DCLK1: variants seen among roughly 807,000 people sequenced by gnomAD.
DCLK1 encodes the protein doublecortin like kinase 1, also known as serine/threonine-protein kinase DCLK1.
DCLK1 carries 16 observed loss-of-function variants against 86.2 expected under a neutral mutation model. The ratio of observed to expected loss-of-function variants is 0.19; its 90% CI spans 0.13 to 0.28. The LOEUF is 0.28. Ranked by LOEUF, DCLK1 falls within the 10% of genes least tolerant of loss-of-function variation. The probability of loss-of-function intolerance (pLI) is 1.00; values close to 1 mark genes in which losing one functional copy is unlikely to be tolerated. For synonymous variants in DCLK1, 369 were observed against 370.5 expected (o/e 1.00, Z 0.05); for missense variants, 590 against 940.2 (o/e 0.63, Z 4.87).
chr13:36,003,377 A>G (rs1393079041), intron 3 of DCLK1, among the ~76,000 whole-genome samples: 2 of 152,178 alleles, frequency 1.3e-5, no homozygotes, highest in Non-Finnish European at 2.9e-5. Context: ...TTGGAGAAAC[A>G]TGTGTCTTAT....
intron 3 of DCLK1, among the ~76,000 whole-genome samples, chr13:35,993,863 A>T (rs1385809400): frequency 6.6e-6 from 1 of 151,654 alleles, no homozygotes; most frequent in Non-Finnish European, 1.5e-5. Flanking sequence ...AGCTAGGATA[A>T]GTATCAGCCT....
At chr13:35,891,499 T>C (rs1396419351) in intron 4 of DCLK1, among the ~76,000 whole-genome samples, 3 of 152,182 alleles carry the variant, frequency 2.0e-5, no homozygotes, top group African/African-American at 7.2e-5. Context: ...CTAATGGATA[T>C]GGAGTTTATT....
At chr13:35,957,412 GT>G (rs896348122) in intron 3 of DCLK1, among the ~76,000 whole-genome samples, 13 of 152,128 alleles carry the variant, frequency 8.5e-5, no homozygotes, top group South Asian at 2.1e-4. Context: ...CCCTCTTGAT[GT>G]TTTTTAGAAG....
At chr13:36,131,391 C>G (rs2138234280), upstream of DCLK1, 1 of 196,184 alleles carries the variant, frequency 5.1e-6, no homozygotes. Flanking sequence ...GCGGCGGCGG[C>G]GGCGGGCGCG....
chr13:35,919,235 A>T (rs924821322), intron 4 of DCLK1, among the ~76,000 whole-genome samples: 2 of 152,108 alleles, frequency 1.3e-5, no homozygotes, highest in Admixed American at 1.3e-4. Context: ...TAAGTTTTTT[A>T]AAAGTGCATT....
intron 3 of DCLK1, among the ~76,000 whole-genome samples, chr13:36,045,330 G>GTATATATATATATA (rs1316034070): frequency 1.8e-5 from 1 of 56,622 alleles, no homozygotes; most frequent in African/African-American, 7.1e-5. Context: ...GTGTGTGTGT[G>GTATATATATATATA]TGTATATATA....
At chr13:36,023,999 G>T (rs1230125009) in intron 3 of DCLK1, among the ~76,000 whole-genome samples, 1 of 150,470 alleles carries the variant, frequency 6.6e-6, no homozygotes, top group Non-Finnish European at 1.5e-5. Context: ...GGTTTCAAGT[G>T]GTTCTCCTGC....
At chr13:35,804,693 A>G (rs1272657207) in intron 15 of DCLK1, among the ~76,000 whole-genome samples, 2 of 152,074 alleles carry the variant, frequency 1.3e-5, no homozygotes, top group Admixed American at 6.5e-5. Context: ...TCAGCCTCCC[A>G]AAGTGCTGGG....
intron 15 of DCLK1, among the ~76,000 whole-genome samples, chr13:35,794,575 A>G (rs1388679751): frequency 1.3e-5 from 2 of 152,206 alleles, no homozygotes; most frequent in Non-Finnish European, 2.9e-5. Context: ...CACTTATTCA[A>G]TGGACATTAA....
At chr13:35,784,269 A>G (rs1566529628) in intron 16 of DCLK1, among the ~76,000 whole-genome samples, 1 of 152,228 alleles carries the variant, frequency 6.6e-6, no homozygotes, top group Admixed American at 6.5e-5. Flanking sequence ...ACACTCAATG[A>G]TTAAGACTTG....
intron 5 of DCLK1, among the ~76,000 whole-genome samples, chr13:35,865,713 A>G (rs1871742948): frequency 6.6e-6 from 1 of 152,200 alleles, no homozygotes; most frequent in Non-Finnish European, 1.5e-5. Context: ...GTAAATGAAC[A>G]CCTAACATTA....
intron 3 of DCLK1, among the ~76,000 whole-genome samples, chr13:36,005,712 A>G (rs1235207007): frequency 2.0e-5 from 3 of 152,354 alleles, no homozygotes; most frequent in Admixed American, 6.5e-5. Context: ...GAGTTGGTAA[A>G]GAAAGTTGGG....
At chr13:36,054,515 T>C (rs535207308) in intron 3 of DCLK1, among the ~76,000 whole-genome samples, 1 of 152,292 alleles carries the variant, frequency 6.6e-6, no homozygotes, top group East Asian at 1.9e-4. Flanking sequence ...ACTTCCATTC[T>C]ACTTGGGAGA....
At chr13:35,839,242 G>C (rs1869620905) in intron 6 of DCLK1, 66 bp from the exon 7 acceptor site, 2 of 1,384,450 alleles carry the variant, frequency 1.4e-6, no homozygotes, top group South Asian at 2.5e-5. Flanking sequence ...CAGGGACCAT[G>C]CCCAGCCCGG....
intron 3 of DCLK1, among the ~76,000 whole-genome samples, chr13:36,043,567 A>G (rs1217030267): frequency 6.6e-6 from 1 of 152,164 alleles, no homozygotes; most frequent in Admixed American, 6.5e-5. Context: ...ACTAATGATA[A>G]AAGATTCTCA....
intron 5 of DCLK1, chr13:35,855,767 A>G (rs1871016095): frequency 1.6e-6 from 2 of 1,285,988 alleles, no homozygotes; most frequent in Non-Finnish European, 9.9e-7. Flanking sequence ...AAAGGTGTCA[A>G]TTAAGCCTCT....
At chr13:35,828,342 CTT>C (rs551985125) in intron 8 of DCLK1, 35 bp from the exon 9 acceptor site, 2,020 of 1,536,388 alleles carry the variant, frequency 1.3e-3, no homozygotes, top group Non-Finnish European at 1.6e-3. Flanking sequence ...TAAAATGAAA[CTT>C]AACTTCAAAT....
chr13:35,796,376 T>C lies in DCLK1; in HGVS notation c.1945-2897A>G, dbSNP rs185248169. Among the ~76,000 whole-genome samples the C allele has an allele frequency of 3.3e-5, 5 of 151,710 alleles. No homozygotes were observed. The East Asian group carries it at 9.7e-4, about 29-fold the overall frequency. ...ATAAGAAGCTAGTGAAAAGGGAGAG[T>C]TGAAAGATACGAGAAAGGGCAGGGT... On this transcript the variant is annotated intron_variant, in intron 15 of 16. Transcript: ENST00000360631.
At chr13:36,100,249 G>A (rs966342695) in intron 3 of DCLK1, among the ~76,000 whole-genome samples, 9 of 147,932 alleles carry the variant, frequency 6.1e-5, no homozygotes, top group African/African-American at 2.3e-4. Context: ...CATGGTGGTG[G>A]ACACCTGCAG....
Sources: gnomAD v4.1 joint callset for allele counts (sites outside exome capture counted in the v4.1 genomes callset) on GRCh38, gnomAD v4.1.1 for gene constraint, MANE v1.5 for transcripts, NCBI Gene and HGNC (gene_info 2026-07-23, HGNC 2026-07-21) for gene names.